Variants in BICD1 observed in about 807,000 individuals in gnomAD.
BICD1 encodes protein bicaudal D homolog 1.
BICD1 carries 35 observed loss-of-function variants against 92.5 expected under a neutral mutation model. That is an observed-to-expected ratio of 0.38 (90% confidence interval 0.29 to 0.50). BICD1 has a LOEUF of 0.50. Ranked by LOEUF, BICD1 falls within the 20% of genes least tolerant of loss-of-function variation. BICD1 has a pLI of 0.93. For missense variants in BICD1, 950 were observed against 1,189.8 expected, an observed-to-expected ratio of 0.80 and a Z score of 2.97; for synonymous variants, 429 against 465.1, an observed-to-expected ratio of 0.92 and a Z score of 1.00.
At chr12:32,166,139 T>TTTATTTATTTATTTA (rs1473953225) in intron 1 of BICD1, among the ~76,000 whole-genome samples, 9 of 3,254 alleles carry the variant, frequency 2.8e-3, no homozygotes, top group Admixed American at 6.8e-3. Flanking sequence ...TATTTATTTA[T>TTTATTTATTTATTTA]TTATTTATTT....
intron 1 of BICD1, among the ~76,000 whole-genome samples, chr12:32,116,492 T>TCTCTCTC (rs1565524980): frequency 8.1e-6 from 1 of 122,996 alleles, no homozygotes; most frequent in Non-Finnish European, 1.7e-5. Context: ...CTCTCTCTCT[T>TCTCTCTC]TCTCTCTCTC....
chr12:32,196,851 ACT>A, intron 1 of BICD1, among the ~76,000 whole-genome samples: 1 of 152,206 alleles, frequency 6.6e-6, no homozygotes, highest in Non-Finnish European at 1.5e-5. Context: ...GTCAGTACAC[ACT>A]GTGTATGTAT....
chr12:32,171,983 ACACACACT>A lies in BICD1; in HGVS notation c.214-44263_214-44256del, dbSNP rs1485964911. Among the ~76,000 whole-genome samples the A allele has an allele frequency of 4.7e-3, 585 of 125,314 alleles. 2 individuals carry two copies. Among genetic ancestry groups the A allele is most frequent in the African/African-American group, 0.016 (556 of 34,354 alleles). 82.2% of individuals were successfully genotyped at this position (125,314 alleles called of 152,430 possible). On this transcript the variant is annotated intron_variant, in intron 1 of 9. Transcript: ENST00000652176. ...CACACACACACACACACACACACAC[ACACACACT>A]AAAACTGCTGACATTGAGCATTATA...
At chr12:32,119,771 T>C (rs1014086644) in intron 1 of BICD1, among the ~76,000 whole-genome samples, 1 of 152,198 alleles carries the variant, frequency 6.6e-6, no homozygotes, top group Non-Finnish European at 1.5e-5. Context: ...TTCGGGAGAC[T>C]GAGGCATGAG....
chr12:32,275,386 G>A lies in BICD1; in HGVS notation c.427-18608G>A, dbSNP rs116642976. Among the ~76,000 whole-genome samples the A allele has an allele frequency of 2.0e-3, 301 of 152,270 alleles. 1 individual carries two copies. Among genetic ancestry groups the A allele is most frequent in the African/African-American group, 7.0e-3 (289 of 41,558 alleles). ...TAGACTGATGTGGAACAAGATGGGA[G>A]TGAGACTTTTTTTAGTCACCGTCTA... On this transcript the variant is annotated intron_variant, in intron 2 of 9. Transcript: ENST00000652176.
At chr12:32,341,495 A>G (rs1037475345) in intron 8 of BICD1, among the ~76,000 whole-genome samples, 1 of 152,086 alleles carries the variant, frequency 6.6e-6, no homozygotes, top group Non-Finnish European at 1.5e-5. Context: ...GATATAAGGA[A>G]TGTGGAATTC....
rs1464311431 is a variant in BICD1, at chr12:32,110,618, A to C, written c.213+3074A>C. Among the ~76,000 whole-genome samples, 3 of 152,268 alleles carry C rather than the reference A, an allele frequency of 2.0e-5. No individual in the cohort carries two copies. The East Asian group carries it at 5.8e-4, about 29-fold the overall frequency. On this transcript the variant is annotated intron_variant, in intron 1 of 9. Transcript: ENST00000652176. ...CTGATTATATGTTTGGGATGTACGTAAATCAGCACTGTGCGCCTGTCACCC... is the reference window on the plus strand; with the variant it reads ...CTGATTATATGTTTGGGATGTACGTCAATCAGCACTGTGCGCCTGTCACCC...
chr12:32,280,246 A>C (rs894002274), intron 2 of BICD1, among the ~76,000 whole-genome samples: 1 of 152,248 alleles, frequency 6.6e-6, no homozygotes, highest in Non-Finnish European at 1.5e-5. Context: ...TATATAATAC[A>C]GATTAATAGA....
chr12:32,278,689 T>G (rs1410551299), intron 2 of BICD1, among the ~76,000 whole-genome samples: 1 of 151,848 alleles, frequency 6.6e-6, no homozygotes, highest in Non-Finnish European at 1.5e-5. Context: ...CTGTCTCTAC[T>G]AAAAATACAA....
At chr12:32,365,889 G>C (rs1939509614) in intron 8 of BICD1, among the ~76,000 whole-genome samples, 1 of 152,160 alleles carries the variant, frequency 6.6e-6, no homozygotes. Context: ...GTTAAAAAAG[G>C]AATTTCCTCA....
At chr12:32,249,332 T>C (rs1218362271) in intron 2 of BICD1, among the ~76,000 whole-genome samples, 2 of 152,142 alleles carry the variant, frequency 1.3e-5, no homozygotes, top group Non-Finnish European at 2.9e-5. Flanking sequence ...CAACAGAACG[T>C]GTTCTTATAT....
In BICD1 at chr12:32,306,100, A is replaced by C. The variant is rs1948207894; in HGVS notation, c.983A>C (p.Lys328Thr). The C allele has an allele frequency of 6.2e-7, 1 of 1,603,544 alleles. No individual in the cohort carries two copies. The change falls in exon 4 of 10, where the codon AAG (lysine) becomes ACG (threonine). Residue 328 changes from lysine (K) to threonine (T), a missense_variant. Around this residue, in one of 5 missense-constraint regions of BICD1, gnomAD observed 246 missense variants for 258.4 expected, o/e 0.95. Transcript: ENST00000652176. Reference protein sequence around the residue: ...FSELNISEIQKLKQQLMQVER... With the variant: ...FSELNISEIQTLKQQLMQVER... ...GAGCTGAACATTTCAGAAATACAGA[A>C]GTTGAAGCAGCAGCTTATGCAGGTA...
intron 2 of BICD1, among the ~76,000 whole-genome samples, chr12:32,234,596 C>CAAA (rs758851036): frequency 0.037 from 2,796 of 75,068 alleles, 131 homozygotes; most frequent in African/African-American, 0.12. Flanking sequence ...AACTCCGTCT[C>CAAA]AAAAAAAAAA....
At chr12:32,373,805 G>A (rs565091442) in intron 9 of BICD1, among the ~76,000 whole-genome samples, 19 of 152,074 alleles carry the variant, frequency 1.2e-4, no homozygotes, top group Non-Finnish European at 2.4e-4. Context: ...ACTTGAACCC[G>A]GAAGGTGGAG....
At chr12:32,303,594 G>A (rs900506386) in intron 3 of BICD1, among the ~76,000 whole-genome samples, 1 of 152,166 alleles carries the variant, frequency 6.6e-6, no homozygotes, top group Non-Finnish European at 1.5e-5. Flanking sequence ...TCCTTAAAGG[G>A]AGACAGTGTG....
intron 2 of BICD1, among the ~76,000 whole-genome samples, chr12:32,248,423 T>C (rs1247507712): frequency 6.6e-6 from 1 of 152,146 alleles, no homozygotes; most frequent in Non-Finnish European, 1.5e-5. Context: ...TGTTTTGTTG[T>C]TGGTTTCTGC....
At chr12:32,254,575 T>TC (rs1332239815) in intron 2 of BICD1, among the ~76,000 whole-genome samples, 6 of 152,208 alleles carry the variant, frequency 3.9e-5, no homozygotes, top group Non-Finnish European at 7.3e-5. Flanking sequence ...AACCTGACCT[T>TC]CCCCAAGATC....
rs325436 is a variant in BICD1 at position 32,368,116 on chromosome 12, G to A, written c.2840+371G>A. On this transcript the variant is annotated intron_variant, in intron 9 of 9. Transcript: ENST00000652176. ...TCTTTAAAATATATTTATTTTCCTG[G>A]GGAATCTGAGGGATACCAATATACT... 8.1e-5 allele frequency: 15 copies of A among 185,524 alleles called. 1 individual carries two copies. In the South Asian group the frequency reaches 1.4e-3, roughly 17 times the overall value. 11.5% of individuals were successfully genotyped at this position (185,524 alleles called of 1,614,324 possible).
chr12:32,146,343 C>T (rs1211348387), intron 1 of BICD1, among the ~76,000 whole-genome samples: 4 of 152,076 alleles, frequency 2.6e-5, no homozygotes, highest in Non-Finnish European at 4.4e-5. Context: ...AGATAGAGAT[C>T]ATGGGAGAAG....
Sources: gnomAD v4.1 joint callset for allele counts (sites outside exome capture counted in the v4.1 genomes callset) on GRCh38, gnomAD v4.1.1 for gene constraint, gnomAD v4.1.1 regional missense constraint, MANE v1.5 for transcripts, NCBI Gene and HGNC (gene_info 2026-07-23, HGNC 2026-07-21) for gene names.